The following LOC128125817 variants were observed in gnomAD, a reference collection of about 807,000 sequenced individuals.
chr1:41,593,378 G>T, the LOC128125817 span, among the ~76,000 whole-genome samples: 1 of 152,072 alleles, frequency 6.6e-6, no homozygotes. Context: ...TTTGCGGGCA[G>T]CAGCACTGTA....
chr1:41,617,808 T>C, the LOC128125817 span, among the ~76,000 whole-genome samples: 1 of 152,212 alleles, frequency 6.6e-6, no homozygotes, highest in Admixed American at 6.5e-5. Flanking sequence ...TCCCACATCA[T>C]AAGAAACTGG....
At chr1:41,619,870 G>C in the LOC128125817 span, among the ~76,000 whole-genome samples, 64 of 152,254 alleles carry the variant, frequency 4.2e-4, 2 homozygotes, top group Admixed American at 1.2e-3. Context: ...CCCCAGAGAG[G>C]CTGCTCAGAT....
At chr1:41,628,757 A>G in the LOC128125817 span, 1 of 1,232,154 alleles carries the variant, frequency 8.1e-7, no homozygotes, top group Non-Finnish European at 1.0e-6. Context: ...ACCTGTGCTG[A>G]AGGCACCACT....
At chr1:41,609,064 A>T in the LOC128125817 span, among the ~76,000 whole-genome samples, 1 of 123,612 alleles carries the variant, frequency 8.1e-6, no homozygotes, top group Non-Finnish European at 1.8e-5. Flanking sequence ...CGTCTCAATA[A>T]AAAAAAAAAA....
At chr1:41,612,654 G>T in the LOC128125817 span, among the ~76,000 whole-genome samples, 1 of 152,170 alleles carries the variant, frequency 6.6e-6, no homozygotes, top group Non-Finnish European at 1.5e-5. Flanking sequence ...TCCTGCCTAG[G>T]ATCAGACTCA....
At chr1:41,622,607 C>T in the LOC128125817 span, among the ~76,000 whole-genome samples, 242 of 152,322 alleles carry the variant, frequency 1.6e-3, 2 homozygotes, top group East Asian at 0.041. Context: ...AGACTATATG[C>T]CCGGCAAAGC....
At chr1:41,585,514 C>A in the LOC128125817 span, among the ~76,000 whole-genome samples, 1 of 152,152 alleles carries the variant, frequency 6.6e-6, no homozygotes, top group South Asian at 2.1e-4. Context: ...ATTCTTTCCT[C>A]CCCCGCTCCC....
chr1:41,608,963 A>G, the LOC128125817 span, among the ~76,000 whole-genome samples: 1 of 151,384 alleles, frequency 6.6e-6, no homozygotes, highest in Non-Finnish European at 1.5e-5. Flanking sequence ...GCATGCCTGT[A>G]ATCCCAGTTA....
the LOC128125817 span, among the ~76,000 whole-genome samples, chr1:41,603,462 C>T: frequency 1.3e-5 from 2 of 152,066 alleles, no homozygotes; most frequent in Non-Finnish European, 2.9e-5. Flanking sequence ...CAGGTTCAAG[C>T]GATTCTCCTG....
the LOC128125817 span, among the ~76,000 whole-genome samples, chr1:41,597,959 T>C: frequency 6.6e-5 from 10 of 152,228 alleles, no homozygotes; most frequent in African/African-American, 2.4e-4. Flanking sequence ...TAGCTAGCTA[T>C]CCACCTACCT....
chr1:41,591,356 G>C, the LOC128125817 span, among the ~76,000 whole-genome samples: 12 of 152,246 alleles, frequency 7.9e-5, 1 homozygote, highest in South Asian at 2.5e-3. Context: ...CCCTAAACAG[G>C]GGAAGCATTG....
chr1:41,601,555 G>T, the LOC128125817 span, among the ~76,000 whole-genome samples: 1 of 152,112 alleles, frequency 6.6e-6, no homozygotes, highest in East Asian at 1.9e-4. Context: ...CTAGTTTGTT[G>T]TTAGTGTATA....
the LOC128125817 span, among the ~76,000 whole-genome samples, chr1:41,614,834 G>T: frequency 6.6e-6 from 1 of 152,168 alleles, no homozygotes; most frequent in African/African-American, 2.4e-5. Flanking sequence ...CTGATGATAC[G>T]CTGGCCAGTT....
the LOC128125817 span, among the ~76,000 whole-genome samples, chr1:41,592,781 C>T: frequency 6.6e-6 from 1 of 152,230 alleles, no homozygotes; most frequent in Non-Finnish European, 1.5e-5. Flanking sequence ...AACATTCTAA[C>T]CTCACTCAGG....
chr1:41,603,958 G>T, the LOC128125817 span, among the ~76,000 whole-genome samples: 1 of 152,184 alleles, frequency 6.6e-6, no homozygotes, highest in Admixed American at 6.5e-5. Context: ...ATACAATTTT[G>T]TCATTAGGGA....
At chr1:41,592,539 T>C in the LOC128125817 span, among the ~76,000 whole-genome samples, 2 of 152,170 alleles carry the variant, frequency 1.3e-5, no homozygotes, top group African/African-American at 2.4e-5. Context: ...AAAGTGAGCA[T>C]CCATCTAGTG....
the LOC128125817 span, among the ~76,000 whole-genome samples, chr1:41,587,271 A>G: frequency 6.6e-6 from 1 of 152,212 alleles, no homozygotes; most frequent in Admixed American, 6.5e-5. Flanking sequence ...ACAGTGATTG[A>G]TATTTGTCAA....
chr1:41,613,930 T>C, the LOC128125817 span, among the ~76,000 whole-genome samples: 2 of 152,268 alleles, frequency 1.3e-5, no homozygotes, highest in African/African-American at 2.4e-5. Context: ...CTTTTGTGTC[T>C]GGCTTCTTTC....
the LOC128125817 span, among the ~76,000 whole-genome samples, chr1:41,604,794 C>G: frequency 1.1e-4 from 16 of 152,010 alleles, no homozygotes; most frequent in Non-Finnish European, 2.1e-4. Context: ...GGCGAAAAAC[C>G]AATCTTATGG....
Sources: gnomAD v4.1 joint callset for allele counts (sites outside exome capture counted in the v4.1 genomes callset) on GRCh38, gnomAD v4.1.1 for gene constraint, MANE v1.5 for transcripts.